The following KIF6 variants were observed in gnomAD, a reference collection of about 807,000 sequenced individuals.
KIF6 encodes kinesin-like protein KIF6.
A neutral mutation model predicts 112.7 loss-of-function variants in KIF6; 106 were observed. The ratio of observed to expected loss-of-function variants is 0.94; its 90% CI spans 0.80 to 1.11. The LOEUF is 1.11. KIF6 is among the 50% of genes least tolerant of loss of function. The pLI, the probability that KIF6 is intolerant of heterozygous loss-of-function variation, is 0.00. For missense variants in KIF6, 929 were observed against 964.0 expected (o/e 0.96, Z 0.48); for synonymous variants, 339 against 339.9 (o/e 1.00, Z 0.03).
At chr6:39,414,269 A>C (rs535447480) in intron 15 of KIF6, among the ~76,000 whole-genome samples, 1 of 152,244 alleles carries the variant, frequency 6.6e-6, no homozygotes, top group African/African-American at 2.4e-5. Context: ...CATTACACCT[A>C]TTCCTACTAA....
chr6:39,664,925 G>A (rs1786378652), intron 3 of KIF6, among the ~76,000 whole-genome samples: 1 of 152,050 alleles, frequency 6.6e-6, no homozygotes, highest in Non-Finnish European at 1.5e-5. Flanking sequence ...ACAAAAACAT[G>A]ACAAAACATT....
At chr6:39,408,763 G>T (rs1769273444) in intron 15 of KIF6, among the ~76,000 whole-genome samples, 1 of 152,080 alleles carries the variant, frequency 6.6e-6, no homozygotes, top group Non-Finnish European at 1.5e-5. Context: ...AAATGTGTGG[G>T]CTGCTTACAT....
At chr6:39,418,703 G>A (rs1190399186) in intron 15 of KIF6, among the ~76,000 whole-genome samples, 4 of 152,188 alleles carry the variant, frequency 2.6e-5, no homozygotes, top group Non-Finnish European at 5.9e-5. Context: ...GAGTGTGGCT[G>A]TTGGCTGTGT....
At chr6:39,604,583 T>C (rs1225393870) in intron 6 of KIF6, among the ~76,000 whole-genome samples, 1 of 152,136 alleles carries the variant, frequency 6.6e-6, no homozygotes, top group Non-Finnish European at 1.5e-5. Flanking sequence ...GTCAAAATGA[T>C]TTTCCCCAGT....
intron 13 of KIF6, among the ~76,000 whole-genome samples, chr6:39,529,027 T>A (rs1315800092): frequency 6.6e-6 from 1 of 152,172 alleles, no homozygotes; most frequent in Non-Finnish European, 1.5e-5. Context: ...TAGACTCAAC[T>A]GATTTTTGAC....
At chr6:39,719,089 C>G (rs1221909990) in intron 2 of KIF6, among the ~76,000 whole-genome samples, 1 of 152,126 alleles carries the variant, frequency 6.6e-6, no homozygotes, top group Non-Finnish European at 1.5e-5. Flanking sequence ...GAGGCCGAGG[C>G]AGGTGGATCA....
chr6:39,368,506 C>T (rs1765736833), intron 16 of KIF6, among the ~76,000 whole-genome samples: 1 of 152,164 alleles, frequency 6.6e-6, no homozygotes, highest in Non-Finnish European at 1.5e-5. Flanking sequence ...ATTGACTCGT[C>T]GTTGGTATTT....
At chr6:39,352,802 C>T (rs1764361320) in intron 19 of KIF6, among the ~76,000 whole-genome samples, 1 of 152,144 alleles carries the variant, frequency 6.6e-6, no homozygotes, top group Non-Finnish European at 1.5e-5. Context: ...TTGGGTTTCA[C>T]CATGTTGGCC....
intron 3 of KIF6, among the ~76,000 whole-genome samples, chr6:39,694,273 C>G (rs2113813474): frequency 6.6e-6 from 1 of 152,208 alleles, no homozygotes; most frequent in East Asian, 1.9e-4. Context: ...CAAGGATGTC[C>G]ACTCTCACCA....
At chr6:39,559,593 A>G (rs184928196) in intron 10 of KIF6, among the ~76,000 whole-genome samples, 1 of 152,220 alleles carries the variant, frequency 6.6e-6, no homozygotes, top group Admixed American at 6.5e-5. Flanking sequence ...GATTGCAAAG[A>G]GGAATTAAAT....
chr6:39,681,731 G>A (rs57272781), intron 3 of KIF6, among the ~76,000 whole-genome samples: 12,160 of 152,128 alleles, frequency 0.08, 511 homozygotes, highest in Middle Eastern at 0.11. Context: ...TGGACAATAA[G>A]CAGTTTCATC....
chr6:39,510,116 T>C (rs1372464447), intron 13 of KIF6, among the ~76,000 whole-genome samples: 3 of 146,568 alleles, frequency 2.0e-5, no homozygotes, highest in Admixed American at 6.9e-5. Context: ...TTTTTTGAGA[T>C]GGAGTCTTGC....
At chr6:39,639,491 C>A (rs1345275552) in intron 4 of KIF6, 119 bp downstream of exon 4, 1 of 832,718 alleles carries the variant, frequency 1.2e-6, no homozygotes, top group African/African-American at 1.8e-5. Context: ...AAAGTTATGA[C>A]ACAATAAGAC....
rs550657826 is a variant in KIF6, at chr6:39,672,395, A to G, written c.252-32638T>C. On this transcript the variant is annotated intron_variant, in intron 3 of 22. Transcript: ENST00000287152. ...TATCAATGACTTTGAGGACTTAATGAATACTACTACTAATAATATAACAAT... is the reference window on the plus strand; with the variant it reads ...TATCAATGACTTTGAGGACTTAATGGATACTACTACTAATAATATAACAAT... Among the ~76,000 whole-genome samples, 8 of 152,348 alleles carry G rather than the reference A, an allele frequency of 5.3e-5. No individual in the cohort carries two copies. The South Asian group carries it at 1.7e-3, about 32-fold the overall frequency.
At chr6:39,514,314 T>C (rs1776943760) in intron 13 of KIF6, among the ~76,000 whole-genome samples, 1 of 152,188 alleles carries the variant, frequency 6.6e-6, no homozygotes, top group Non-Finnish European at 1.5e-5. Flanking sequence ...TCTCTTTCCT[T>C]TGGGAAATTA....
At chr6:39,561,357 A>AT (rs34960051) in intron 10 of KIF6, among the ~76,000 whole-genome samples, 38,064 of 147,546 alleles carry the variant, frequency 0.26, 5,935 homozygotes, top group African/African-American at 0.43. Flanking sequence ...AACTCAAACC[A>AT]TTTTTTTTTT....
intron 13 of KIF6, among the ~76,000 whole-genome samples, chr6:39,445,398 A>G (rs1042829408): frequency 1.3e-5 from 2 of 152,230 alleles, no homozygotes; most frequent in African/African-American, 4.8e-5. Context: ...TTTATTGTTT[A>G]AATATAACAT....
chr6:39,628,284 T>A (rs1484366591), intron 5 of KIF6, among the ~76,000 whole-genome samples: 1 of 152,040 alleles, frequency 6.6e-6, no homozygotes. Flanking sequence ...TTTAGTTCTA[T>A]GCAATTATCC....
At chr6:39,638,307 T>TA (rs1316422535) in intron 4 of KIF6, among the ~76,000 whole-genome samples, 1 of 152,118 alleles carries the variant, frequency 6.6e-6, no homozygotes, top group Non-Finnish European at 1.5e-5. Context: ...CCACATGCTG[T>TA]AAGCAGTACA....
Sources: gnomAD v4.1 joint callset for allele counts (sites outside exome capture counted in the v4.1 genomes callset) on GRCh38, gnomAD v4.1.1 for gene constraint, MANE v1.5 for transcripts, NCBI Gene and HGNC (gene_info 2026-07-23, HGNC 2026-07-21) for gene names.